Variants in PGAP4 observed in about 807,000 individuals in gnomAD.
PGAP4 encodes the protein GPI-N-acetylgalactosamine transferase PGAP4.
A neutral mutation model predicts 28.2 loss-of-function variants in PGAP4; 12 were observed. The observed-to-expected ratio is 0.42, with a 90% CI of 0.27 to 0.69. PGAP4 has a LOEUF of 0.69. Among genes scored for constraint, PGAP4 ranks in the 30% least tolerant of loss-of-function variants. The pLI is 0.22. For synonymous variants in PGAP4, 205 were observed against 211.8 expected (o/e 0.97, Z 0.28); for missense variants, 425 against 513.5 (o/e 0.83, Z 1.67).
chr9:101,501,971 C>T (rs1459005825), intron 2 of PGAP4: 1 of 289,982 alleles, frequency 3.4e-6, no homozygotes, highest in Non-Finnish European at 6.9e-6. Context: ...TGGATAATAA[C>T]TTTTAAGATC....
chr9:101,495,555 C>T (rs897353675), intron 2 of PGAP4, among the ~76,000 whole-genome samples: 6 of 145,118 alleles, frequency 4.1e-5, no homozygotes, highest in African/African-American at 1.5e-4. Context: ...GGATTTTGAA[C>T]CTAGGGAAAC....
intron 2 of PGAP4, among the ~76,000 whole-genome samples, chr9:101,522,864 C>T (rs1826999931): frequency 6.6e-6 from 1 of 152,058 alleles, no homozygotes; most frequent in African/African-American, 2.4e-5. Context: ...GTTGTGTTTC[C>T]AGGATTTGTT....
chr9:101,519,088 G>A (rs983219186), intron 2 of PGAP4, among the ~76,000 whole-genome samples: 5 of 152,076 alleles, frequency 3.3e-5, no homozygotes, highest in Admixed American at 3.3e-4. Flanking sequence ...TTTTTCATAT[G>A]TTTATTGGCC....
intron 2 of PGAP4, among the ~76,000 whole-genome samples, chr9:101,493,359 C>A (rs1826709524): frequency 1.3e-5 from 2 of 152,014 alleles, no homozygotes; most frequent in Admixed American, 1.3e-4. Context: ...TTGTTGGCCT[C>A]CCTTGGATGT....
intron 2 of PGAP4, among the ~76,000 whole-genome samples, chr9:101,519,712 T>C (rs1588210185): frequency 6.6e-6 from 1 of 151,550 alleles, no homozygotes; most frequent in Non-Finnish European, 1.5e-5. Context: ...CATATATATA[T>C]AAAATTATAA....
chr9:101,483,886 T>C (rs534980375), intron 1 of PGAP4, among the ~76,000 whole-genome samples: 24 of 152,234 alleles, frequency 1.6e-4, no homozygotes, highest in Admixed American at 1.5e-3. Context: ...AAATAATGCT[T>C]AGGTGGAAAG....
chr9:101,521,959 T>C (rs1483398364), intron 2 of PGAP4, among the ~76,000 whole-genome samples: 2 of 152,226 alleles, frequency 1.3e-5, no homozygotes, highest in Non-Finnish European at 2.9e-5. Flanking sequence ...CATCTTGATT[T>C]CATTTTTGAC....
chr9:101,519,306 C>T (rs1283064676), intron 2 of PGAP4, among the ~76,000 whole-genome samples: 1 of 152,080 alleles, frequency 6.6e-6, no homozygotes, highest in Non-Finnish European at 1.5e-5. Context: ...TACAGGTGCA[C>T]ACTGCCATGC....
intron 2 of PGAP4, among the ~76,000 whole-genome samples, chr9:101,496,074 A>T (rs951184387): frequency 6.6e-6 from 1 of 151,336 alleles, no homozygotes; most frequent in Non-Finnish European, 1.5e-5. Flanking sequence ...AACAGCATGG[A>T]AAGTTTTGGT....
intron 2 of PGAP4, among the ~76,000 whole-genome samples, chr9:101,495,188 A>G (rs1313269300): frequency 1.0e-5 from 1 of 100,384 alleles, no homozygotes; most frequent in Non-Finnish European, 1.9e-5. Flanking sequence ...TATTTTTTGT[A>G]TAATATAAAA....
At chr9:101,500,352 T>C (rs562374119) in intron 2 of PGAP4, among the ~76,000 whole-genome samples, 1 of 152,140 alleles carries the variant, frequency 6.6e-6, no homozygotes, top group East Asian at 1.9e-4. Context: ...CTTGGATCAT[T>C]GAGGCTCTTC....
chr9:101,528,794 GTTT>G (rs201196657), intron 2 of PGAP4, among the ~76,000 whole-genome samples: 3 of 140,242 alleles, frequency 2.1e-5, no homozygotes, highest in South Asian at 2.3e-4. Flanking sequence ...ACACTTCTTA[GTTT>G]TTTTTTTTTT....
intron 1 of PGAP4, among the ~76,000 whole-genome samples, chr9:101,485,819 T>C (rs991266429): frequency 6.6e-6 from 1 of 152,210 alleles, no homozygotes; most frequent in Non-Finnish European, 1.5e-5. Context: ...TGTTTTCTAA[T>C]ATGTGTATCC....
At position 101,476,280 on chromosome 9, in the gene PGAP4, C is replaced by G; in HGVS notation, c.813G>C (p.Leu271Phe). The G allele has an allele frequency of 1.2e-6, 2 of 1,614,124 alleles. No individual in the cohort carries two copies. The highest frequency in any genetic ancestry group is 1.6e-4 in the Middle Eastern group (1 of 6,062). Residue 271 changes from leucine to phenylalanine, a missense_variant, in exon 2 of 2, where the codon TTG (leucine) becomes TTC (phenylalanine). Physicochemically the swap from Leu to Phe is conservative, Grantham distance 22. Transcript: ENST00000374848. This position sits in a 1 kb window ranked among gnomAD's most constrained non-coding sequence, Gnocchi z 7.0. ...RILEWVGVGM[L>F]LGPLLTWIYM... is the part of the protein sequence containing the mutation. ...ATATCCAGGTTAGTAAGGGCCCCAG[C>G]AACATGCCTACACCAACCCATTCCA...
intron 2 of PGAP4, among the ~76,000 whole-genome samples, chr9:101,500,530 G>T (rs1005006438): frequency 2.1e-5 from 3 of 144,550 alleles, no homozygotes; most frequent in Non-Finnish European, 4.6e-5. Flanking sequence ...TGCAAGACTT[G>T]TTTTTTTTTT....
chr9:101,496,169 T>C (rs1826746034), intron 2 of PGAP4, among the ~76,000 whole-genome samples: 1 of 151,496 alleles, frequency 6.6e-6, no homozygotes, highest in African/African-American at 2.4e-5. Flanking sequence ...TTTTTAGAAC[T>C]TTATGACAAC....
intron 2 of PGAP4, among the ~76,000 whole-genome samples, chr9:101,519,877 C>T (rs1362933548): frequency 6.6e-6 from 1 of 151,932 alleles, no homozygotes; most frequent in African/African-American, 2.4e-5. Flanking sequence ...GAGCTTAATC[C>T]ATCTTGGGTT....
upstream of PGAP4, among the ~76,000 whole-genome samples, chr9:101,492,146 C>T (rs929333279): frequency 1.3e-5 from 2 of 151,524 alleles, no homozygotes; most frequent in Admixed American, 6.6e-5. Context: ...GGCACATATA[C>T]GTTTATGATT....
intron 1 of PGAP4, among the ~76,000 whole-genome samples, chr9:101,480,222 T>A (rs1826444042): frequency 6.6e-6 from 1 of 152,078 alleles, no homozygotes; most frequent in Admixed American, 6.6e-5. Context: ...TCAGTAATGA[T>A]CCCCAAAATC....
Sources: gnomAD v4.1 joint callset for allele counts (sites outside exome capture counted in the v4.1 genomes callset) on GRCh38, gnomAD v4.1.1 for gene constraint, Gnocchi (gnomAD v3.1) non-coding constraint, MANE v1.5 for transcripts, NCBI Gene and HGNC (gene_info 2026-07-23, HGNC 2026-07-21) for gene names.